Variants in GPC5 observed in about 807,000 individuals in gnomAD.
The protein encoded by GPC5 is glypican-5.
A neutral mutation model predicts 53.9 loss-of-function variants in GPC5; 47 were observed. The ratio of observed to expected loss-of-function variants is 0.87; its 90% CI spans 0.69 to 1.11. The LOEUF (loss-of-function observed/expected upper bound fraction) is 1.11. Among genes scored for constraint, GPC5 ranks in the 50% most tolerant of loss-of-function variants. The pLI is 0.00. For missense variants in GPC5, 748 were observed against 713.1 expected, an observed-to-expected ratio of 1.05 and a Z score of -0.56; for synonymous variants, 286 against 263.3, an observed-to-expected ratio of 1.09 and a Z score of -0.84.
chr13:91,695,141 C>T (rs1422008123), intron 3 of GPC5, among the ~76,000 whole-genome samples: 4 of 152,090 alleles, frequency 2.6e-5, no homozygotes, highest in African/African-American at 9.7e-5. Flanking sequence ...TAACTCCCTG[C>T]TTCATTCAGC....
At chr13:92,717,321 CAG>C (rs1183048031) in intron 7 of GPC5, among the ~76,000 whole-genome samples, 1 of 151,984 alleles carries the variant, frequency 6.6e-6, no homozygotes, top group Non-Finnish European at 1.5e-5. Context: ...GCCCTTGCCT[CAG>C]AGTTAGGTTC....
chr13:91,875,460 A>G (rs1308674224), intron 5 of GPC5, among the ~76,000 whole-genome samples: 5 of 152,186 alleles, frequency 3.3e-5, no homozygotes, highest in Non-Finnish European at 7.4e-5. Context: ...AAAAGTTCAG[A>G]TTGTATTGGA....
At chr13:92,154,074 G>C (rs923198185) in intron 7 of GPC5, among the ~76,000 whole-genome samples, 1 of 152,186 alleles carries the variant, frequency 6.6e-6, no homozygotes, top group African/African-American at 2.4e-5. Context: ...CTTAGCTCCT[G>C]GTGAGGCCTC....
At chr13:92,697,908 G>C (rs1253160445) in intron 7 of GPC5, among the ~76,000 whole-genome samples, 2 of 152,112 alleles carry the variant, frequency 1.3e-5, no homozygotes, top group African/African-American at 4.8e-5. Context: ...AGCATGAAAG[G>C]CTGTTGAATT....
chr13:92,605,337 C>G (rs1253110484), intron 7 of GPC5, among the ~76,000 whole-genome samples: 2 of 152,152 alleles, frequency 1.3e-5, no homozygotes, highest in Non-Finnish European at 2.9e-5. Context: ...AAATACTTTA[C>G]TTGTCACTAC....
At chr13:92,237,863 T>C (rs1294879602) in intron 7 of GPC5, among the ~76,000 whole-genome samples, 1 of 152,140 alleles carries the variant, frequency 6.6e-6, no homozygotes, top group Non-Finnish European at 1.5e-5. Flanking sequence ...TAATCTACTT[T>C]CTGTCTTAAT....
intron 7 of GPC5, among the ~76,000 whole-genome samples, chr13:92,250,354 G>A (rs116766490): frequency 6.6e-6 from 1 of 152,078 alleles, no homozygotes; most frequent in African/African-American, 2.4e-5. Flanking sequence ...ATAAAGATTG[G>A]TTTGAATTAA....
chr13:92,172,426 A>G (rs2042077140), intron 7 of GPC5, among the ~76,000 whole-genome samples: 1 of 152,216 alleles, frequency 6.6e-6, no homozygotes, highest in Admixed American at 6.5e-5. Context: ...AAAAATAGCA[A>G]ATGAAACATA....
intron 6 of GPC5, among the ~76,000 whole-genome samples, chr13:91,974,887 A>AACCAAAACAGCATGGCACTGGT (rs1195395090): frequency 6.6e-6 from 1 of 152,210 alleles, no homozygotes; most frequent in African/African-American, 2.4e-5. Flanking sequence ...AGGCTACAGT[A>AACCAAAACAGCATGGCACTGGT]ACCAAAACAG....
chr13:91,543,532 AAG>A (rs57091950), intron 2 of GPC5, among the ~76,000 whole-genome samples: 2 of 150,344 alleles, frequency 1.3e-5, no homozygotes, highest in Admixed American at 6.6e-5. Flanking sequence ...TGATTTTTCA[AAG>A]AGAGAGAGAG....
intron 7 of GPC5, among the ~76,000 whole-genome samples, chr13:92,539,130 A>T (rs1881840618): frequency 6.7e-6 from 1 of 149,926 alleles, no homozygotes; most frequent in Non-Finnish European, 1.5e-5. Flanking sequence ...TAGTAGAATG[A>T]TTTATAATAC....
intron 7 of GPC5, among the ~76,000 whole-genome samples, chr13:92,538,282 T>C (rs1881789408): frequency 6.6e-6 from 1 of 151,770 alleles, no homozygotes; most frequent in African/African-American, 2.4e-5. Flanking sequence ...CTTTTCCTCC[T>C]TTTTCTTTCT....
intron 7 of GPC5, among the ~76,000 whole-genome samples, chr13:92,819,941 A>G (rs1877617951): frequency 6.6e-6 from 1 of 152,120 alleles, no homozygotes; most frequent in South Asian, 2.1e-4. Context: ...CTTTCCTTCT[A>G]GCTATTCACT....
chr13:92,360,308 A>G (rs570255952), intron 7 of GPC5, among the ~76,000 whole-genome samples: 9 of 151,780 alleles, frequency 5.9e-5, no homozygotes, highest in South Asian at 2.1e-4. Flanking sequence ...TCTGGGATGT[A>G]AGGTTGGTTC....
rs78793341 is a variant in GPC5, at chr13:92,682,316, T to C, written c.1562-183966T>C. ...CTCTCTCTCTCCCCGTTTTGCCTAT[T>C]GCTACTTTGAAGAGTATGTGTTTAT... On this transcript the variant is annotated intron_variant, in intron 7 of 7. Coordinates refer to ENST00000377067, the MANE Select transcript of GPC5 (RefSeq NM_004466.6). Among the ~76,000 whole-genome samples the C allele has an allele frequency of 7.7e-4, 118 of 152,294 alleles. 1 individual carries two copies. Among genetic ancestry groups the C allele is most frequent in the African/African-American group, 2.5e-3 (105 of 41,568 alleles).
intron 2 of GPC5, among the ~76,000 whole-genome samples, chr13:91,489,112 G>A (rs1284720307): frequency 2.6e-5 from 4 of 152,140 alleles, no homozygotes; most frequent in Non-Finnish European, 4.4e-5. Flanking sequence ...ATGTGTGCTC[G>A]AAACTTCATT....
At chr13:92,089,489 A>G (rs1480167246) in intron 6 of GPC5, among the ~76,000 whole-genome samples, 2 of 137,348 alleles carry the variant, frequency 1.5e-5, no homozygotes, top group East Asian at 2.0e-4. Flanking sequence ...TAACATTTCT[A>G]GTATTTCCCA....
intron 6 of GPC5, among the ~76,000 whole-genome samples, chr13:92,064,613 A>G (rs1853999): frequency 0.56 from 84,688 of 151,654 alleles, 23,948 homozygotes; most frequent in East Asian, 0.79. Flanking sequence ...AAAATTAGCT[A>G]GGCGTGGTGG....
intron 7 of GPC5, chr13:92,659,370 C>T (rs1273669814): frequency 1.3e-5 from 2 of 149,256 alleles, no homozygotes; most frequent in East Asian, 4.0e-4. Context: ...TTTTCTTTCA[C>T]TCCCTGGGTT....
Sources: allele counts gnomAD v4.1 joint callset (sites outside exome capture counted in the v4.1 genomes callset), GRCh38; gene constraint gnomAD v4.1.1; transcripts MANE v1.5; gene names NCBI Gene and HGNC (gene_info 2026-07-23, HGNC 2026-07-21).